PCDH15: variants seen among roughly 807,000 people sequenced by gnomAD.
PCDH15 encodes protocadherin related 15.
In PCDH15, 129 loss-of-function variants were observed where a neutral mutation model predicts 178.5. The observed-to-expected ratio is 0.72, with a 90% CI of 0.63 to 0.84. PCDH15 has a LOEUF of 0.84. PCDH15 is among the 40% of genes least tolerant of loss of function. The pLI is 0.00. For missense variants in PCDH15, 2,230 were observed against 2,099.9 expected (o/e 1.06, Z -1.21); for synonymous variants, 800 against 732.0 (o/e 1.09, Z -1.50).
chr10:54,369,336 T>G, intron 4 of PCDH15, 61 bp from the exon 5 acceptor site: 1 of 1,450,392 alleles, frequency 6.9e-7, no homozygotes, highest in Non-Finnish European at 9.6e-7. Flanking sequence ...CTCATCACTG[T>G]CAAAGCACTC....
intron 2 of PCDH15, among the ~76,000 whole-genome samples, chr10:55,611,574 C>T (rs375471735): frequency 6.6e-6 from 1 of 151,868 alleles, no homozygotes; most frequent in African/African-American, 2.4e-5. Context: ...TTAGTGCAGC[C>T]ATTATGGAAA....
chr10:54,195,610 T>G (rs2049522679), intron 11 of PCDH15, 73 bp downstream of exon 11: 1 of 1,282,154 alleles, frequency 7.8e-7, no homozygotes, highest in South Asian at 1.2e-5. Context: ...TAGCCATATC[T>G]TTGTCATATT....
chr10:54,070,023 T>G (rs965119890), intron 17 of PCDH15, among the ~76,000 whole-genome samples: 1 of 152,204 alleles, frequency 6.6e-6, no homozygotes, highest in South Asian at 2.1e-4. Flanking sequence ...TCCTCAAAAG[T>G]TGTATTAACT....
intron 2 of PCDH15, among the ~76,000 whole-genome samples, chr10:54,928,060 G>C (rs1282915021): frequency 6.6e-6 from 1 of 152,136 alleles, no homozygotes; most frequent in African/African-American, 2.4e-5. Flanking sequence ...GTGTGTTCTT[G>C]TAGTGGCTTG....
chr10:55,457,938 C>G (rs1443666000), intron 2 of PCDH15, among the ~76,000 whole-genome samples: 1 of 151,960 alleles, frequency 6.6e-6, no homozygotes, highest in African/African-American at 2.4e-5. Context: ...TTTTAGTTTT[C>G]TTAGATATTT....
intron 1 of PCDH15, among the ~76,000 whole-genome samples, chr10:55,257,005 A>T (rs1842018368): frequency 6.6e-6 from 1 of 152,186 alleles, no homozygotes; most frequent in Non-Finnish European, 1.5e-5. Context: ...TCACACTGCC[A>T]GGTACTCCTC....
intron 2 of PCDH15, among the ~76,000 whole-genome samples, chr10:55,367,665 G>T (rs1364433503): frequency 6.6e-6 from 1 of 152,040 alleles, no homozygotes; most frequent in African/African-American, 2.4e-5. Context: ...AACATAATGA[G>T]CAGAAGGCTT....
intron 16 of PCDH15, among the ~76,000 whole-genome samples, chr10:54,084,881 G>C (rs887358480): frequency 4.6e-5 from 7 of 152,118 alleles, no homozygotes; most frequent in African/African-American, 1.7e-4. Context: ...TTGCTTTTGG[G>C]CACTGAGTTT....
At chr10:55,554,336 TA>T (rs1263250103) in intron 2 of PCDH15, among the ~76,000 whole-genome samples, 2 of 152,076 alleles carry the variant, frequency 1.3e-5, no homozygotes, top group Non-Finnish European at 1.5e-5. Flanking sequence ...AAAGGTTTTT[TA>T]AATTTATTAA....
chr10:54,201,541 T>G lies in PCDH15; in HGVS notation c.1099-5652A>C, dbSNP rs141416782. On this transcript the variant is annotated intron_variant, in intron 10 of 37. Coordinates refer to ENST00000644397, the MANE Select transcript of PCDH15 (RefSeq NM_001384140.1). Reference sequence around the variant, plus strand: ...CTCATTTTTCATTAGATTTTTAAATTCCATGAGCATAAACACTGTAAATGT... The same window carrying G: ...CTCATTTTTCATTAGATTTTTAAATGCCATGAGCATAAACACTGTAAATGT... 4.5e-3 allele frequency among the ~76,000 whole-genome samples: 683 copies of G among 152,210 alleles called. 4 individuals are homozygous for G. Among genetic ancestry groups the G allele is most frequent in the African/African-American group, 0.016 (657 of 41,560 alleles).
At chr10:54,438,268 C>CTTTTT (rs1039826987) in intron 3 of PCDH15, among the ~76,000 whole-genome samples, 4 of 93,988 alleles carry the variant, frequency 4.3e-5, no homozygotes, top group Admixed American at 1.2e-4. Context: ...AAGAGAAAAG[C>CTTTTT]TTTTTTTTTT....
At chr10:54,671,022 T>G (rs547417180) in intron 1 of PCDH15, among the ~76,000 whole-genome samples, 1 of 152,258 alleles carries the variant, frequency 6.6e-6, no homozygotes, top group Non-Finnish European at 1.5e-5. Flanking sequence ...TTTAGATAAA[T>G]ACATTTCTCA....
chr10:55,151,849 G>A (rs1444666), intron 2 of PCDH15, among the ~76,000 whole-genome samples: 5,231 of 152,110 alleles, frequency 0.034, 280 homozygotes, highest in East Asian at 0.22. Context: ...TAGTAGAAAT[G>A]ACACATGTAA....
intron 26 of PCDH15, among the ~76,000 whole-genome samples, chr10:53,876,191 TTTTTTTG>T (rs2080221438): frequency 3.8e-5 from 2 of 52,846 alleles, no homozygotes; most frequent in Non-Finnish European, 2.8e-5. Flanking sequence ...TTTTTTTTTG[TTTTTTTG>T]TTTTTTTTTT....
At chr10:53,917,078 G>T (rs2083589730) in intron 25 of PCDH15, among the ~76,000 whole-genome samples, 1 of 152,004 alleles carries the variant, frequency 6.6e-6, no homozygotes, top group African/African-American at 2.4e-5. Flanking sequence ...TTTAGTGCAA[G>T]TAAAATAATT....
chr10:54,862,558 G>GGGA (rs1953861842), intron 3 of PCDH15, among the ~76,000 whole-genome samples: 1 of 152,162 alleles, frequency 6.6e-6, no homozygotes, highest in Non-Finnish European at 1.5e-5. Flanking sequence ...CAGCATTGTT[G>GGGA]GGAGGTAGGG....
chr10:53,924,643 G>A (rs2084331310), intron 25 of PCDH15, among the ~76,000 whole-genome samples: 1 of 152,260 alleles, frequency 6.6e-6, no homozygotes, highest in African/African-American at 2.4e-5. Context: ...CTGGGCTCCT[G>A]AGTCTAGTGG....
At position 55,149,441 on chromosome 10, in the gene PCDH15, G is replaced by A. The variant is rs1381490007; in HGVS notation, c.-80+17135C>T. ...GTATCAATTTGAAAATTAGAAGGCA[G>A]AATACAACAGTAAAGTAAAATCGTT... On this transcript the variant is annotated intron_variant, in intron 2 of 5. Transcript: ENST00000458638. 2.0e-5 allele frequency among the ~76,000 whole-genome samples: 3 copies of A among 151,830 alleles called. No individual in the cohort carries two copies. In the East Asian group the frequency reaches 5.8e-4, roughly 29 times the overall value.
chr10:54,683,520 A>G (rs2135693689), intron 1 of PCDH15, among the ~76,000 whole-genome samples: 1 of 152,270 alleles, frequency 6.6e-6, no homozygotes, highest in Non-Finnish European at 1.5e-5. Context: ...AACTACAATT[A>G]TTGAGCATCA....
Sources: allele counts gnomAD v4.1 joint callset (sites outside exome capture counted in the v4.1 genomes callset), GRCh38; gene constraint gnomAD v4.1.1; transcripts MANE v1.5; gene names NCBI Gene and HGNC (gene_info 2026-07-23, HGNC 2026-07-21).